INA: variants seen among roughly 807,000 people sequenced by gnomAD.
The protein encoded by INA is internexin neuronal intermediate filament protein alpha.
Under a neutral mutation model 40.1 loss-of-function variants are expected in INA, and 35 were observed. The observed-to-expected ratio is 0.87, with a 90% confidence interval of 0.67 to 1.16. INA has a LOEUF of 1.16. Ranked by LOEUF, INA falls within the 50% of genes most tolerant of loss-of-function variation. The pLI is 0.00. For missense variants in INA, 594 were observed against 686.7 expected, an observed-to-expected ratio of 0.87 and a Z score of 1.51; for synonymous variants, 290 against 316.9, an observed-to-expected ratio of 0.92 and a Z score of 0.90.
intron 1 of INA, among the ~76,000 whole-genome samples, chr10:103,286,551 C>T (rs1012280533): frequency 6.6e-6 from 1 of 151,978 alleles, no homozygotes; most frequent in Non-Finnish European, 1.5e-5. Flanking sequence ...GCAGAGAGGT[C>T]TTCCTGGAAA....
chr10:103,280,036 G>C (rs555658155), intron 1 of INA: 1 of 1,275,208 alleles, frequency 7.8e-7, no homozygotes, highest in East Asian at 5.6e-5. Context: ...AGCTGAATTG[G>C]GCTTCTCCAT....
At chr10:103,284,967 ATATTT>A (rs137911103) in intron 1 of INA, among the ~76,000 whole-genome samples, 5 of 150,860 alleles carry the variant, frequency 3.3e-5, no homozygotes, top group East Asian at 1.9e-4. Flanking sequence ...AGAGGACATT[ATATTT>A]TATTTTATTT....
chr10:103,280,010 C>A, intron 1 of INA: 2 of 1,287,104 alleles, frequency 1.6e-6, no homozygotes, highest in Non-Finnish European at 2.0e-6. Flanking sequence ...AAAAGGATAA[C>A]TTACTCAGAG....
At chr10:103,279,038 T>G (rs1395546792) in intron 1 of INA, among the ~76,000 whole-genome samples, 1 of 152,144 alleles carries the variant, frequency 6.6e-6, no homozygotes, top group Non-Finnish European at 1.5e-5. Context: ...TCTCGAGTTC[T>G]TCCCATCTCA....
chr10:103,285,660 C>A (rs2093084052), intron 1 of INA, among the ~76,000 whole-genome samples: 1 of 149,218 alleles, frequency 6.7e-6, no homozygotes, highest in Non-Finnish European at 1.5e-5. Flanking sequence ...CTCTTGTTGC[C>A]CAGCTGGAAT....
rs769318357 is a variant in INA at position 103,278,089 on chromosome 10, A to G, written c.878A>G (p.Asn293Ser). 6 of 1,613,476 alleles carry G rather than the reference A, an allele frequency of 3.7e-6. No individual in the cohort carries two copies. The highest frequency in any genetic ancestry group is 3.3e-5 in the Admixed American group (2 of 59,998). The change falls in exon 1 of 3, where the codon AAC (asparagine) becomes AGC (serine). Residue 293 changes from asparagine to serine, a missense_variant. Coordinates refer to ENST00000369849, the MANE Select transcript of INA (RefSeq NM_032727.4). The surrounding 1 kb of genome is among the most constrained non-coding windows in gnomAD (Gnocchi z 4.9). ...AEEWYKSKFA[N>S]LNEQAARSTE... ...GAATGGTACAAGTCCAAGTTTGCCA[A>G]CCTGAACGAGCAGGCGGCGCGCAGC...
Position 103,277,187 on chromosome 10 carries a change from C to A in INA, c.-25C>A. 6.4e-7 allele frequency: 1 copy of A among 1,552,990 alleles called. No homozygotes were observed. The highest frequency in any genetic ancestry group is 1.2e-5 in the South Asian group (1 of 84,586). On this transcript the variant is annotated 5_prime_UTR_variant, in exon 1 of 3. Coordinates refer to ENST00000369849, the MANE Select transcript of INA (RefSeq NM_032727.4). This position sits in a 1 kb window ranked among gnomAD's most constrained non-coding sequence, Gnocchi z 5.6. ...TCTTCTGTAGCTCGCGTTGAAGCCG[C>A]ACGTCCGGCCCCGATCCCGGCACCA...
chr10:103,283,297 C>T (rs1188441932), intron 1 of INA, among the ~76,000 whole-genome samples: 1 of 152,132 alleles, frequency 6.6e-6, no homozygotes, highest in Non-Finnish European at 1.5e-5. Context: ...CCTCTTACCA[C>T]AGTAATATTG....
chr10:103,280,450 A>G (rs772348499), intron 1 of INA: 365 of 985,288 alleles, frequency 3.7e-4, no homozygotes, highest in Admixed American at 4.3e-4. Flanking sequence ...CTACAGTGAG[A>G]TTTAGCCATT....
At chr10:103,280,444 A>C in intron 1 of INA, 1 of 985,454 alleles carries the variant, frequency 1.0e-6, no homozygotes, top group African/African-American at 1.7e-5. Context: ...CCCTTTCTAC[A>C]GTGAGATTTA....
Position 103,277,688 on chromosome 10 carries a change from G to T in INA, c.477G>T (p.Ser159=), listed in dbSNP as rs112696197. The T allele has an allele frequency of 8.7e-6, 12 of 1,372,908 alleles. No homozygotes were observed. In the African/African-American group the frequency reaches 9.2e-5, roughly 11 times the overall value. 85.0% of individuals were successfully genotyped at this position (1,372,908 alleles called of 1,614,324 possible). A position where few individuals can be genotyped will look rare whatever the true frequency, so the allele number is the denominator to read the frequency against. Residue 159 remains serine, a synonymous_variant, in exon 1 of 3, where the codon TCG becomes TCT. Transcript: ENST00000369849. The surrounding 1 kb of genome is among the most constrained non-coding windows in gnomAD (Gnocchi z 5.6). ...GCGCGCAGCTGGAGGAGGCCAGCTC[G>T]GCTCGCTCGCAGGCCCTGCTGGAGC... ...DLRAQLEEAS[S]ARSQALLERD... is the part of the protein sequence containing the mutation.
At position 103,277,331 on chromosome 10, in the gene INA, G is replaced by A. The variant is rs763225246; in HGVS notation, c.120G>A (p.Ser40=). 2 of 1,582,958 alleles carry A rather than the reference G, an allele frequency of 1.3e-6. No homozygotes were observed. Among genetic ancestry groups the A allele is most frequent in the African/African-American group, 1.4e-5 (1 of 71,420 alleles). Residue 40 remains serine, a synonymous_variant, in exon 1 of 3, where the codon TCG becomes TCA. Coordinates refer to ENST00000369849, the MANE Select transcript of INA (RefSeq NM_032727.4). The surrounding 1 kb of genome is among the most constrained non-coding windows in gnomAD (Gnocchi z 5.6). ...SGAGGAGGFR[S]QSLSRSNVAS... ...CCGGCGGCGCGGGCGGCTTCCGCTC[G>A]CAGTCGCTGTCCCGCAGCAATGTGG...
intron 1 of INA, among the ~76,000 whole-genome samples, chr10:103,282,768 G>A (rs1038343039): frequency 6.6e-6 from 1 of 151,938 alleles, no homozygotes; most frequent in Non-Finnish European, 1.5e-5. Flanking sequence ...GTGCTTTAAG[G>A]TATATGCCTC....
chr10:103,283,196 C>A (rs2093076509), intron 1 of INA, among the ~76,000 whole-genome samples: 1 of 152,102 alleles, frequency 6.6e-6, no homozygotes. Context: ...CTGATGAAAT[C>A]CTCCTCTTAT....
At position 103,288,467 on chromosome 10, in the gene INA, G is replaced by C; in HGVS notation, c.1298G>C (p.Ser433Thr). 2 of 1,614,010 alleles carry C rather than the reference G, an allele frequency of 1.2e-6. No homozygotes were observed. Among genetic ancestry groups the C allele is most frequent in the African/African-American group, 1.3e-5 (1 of 74,984 alleles). Residue 433 changes from serine to threonine, a missense_variant, in exon 3 of 3, where the codon AGT (serine) becomes ACT (threonine). Ser to Thr is a moderately conservative substitution (Grantham distance 58). Transcript: ENST00000369849. ...TACCTGCTCCCACCTAGAATCCTCA[G>C]TGCTACAACCTCCAAAGTCTCATCC... The part of the protein sequence containing the change: ...PSYLLPPRIL[S>T]ATTSKVSSTG...
rs754349419 is a variant in INA at position 103,288,469 on chromosome 10, G to A, written c.1300G>A (p.Ala434Thr). 3.1e-6 allele frequency: 5 copies of A among 1,613,918 alleles called. No homozygotes were observed. The highest frequency in any genetic ancestry group is 3.4e-6 in the Non-Finnish European group (4 of 1,179,982). Reference sequence around the variant, plus strand: ...CCTGCTCCCACCTAGAATCCTCAGTGCTACAACCTCCAAAGTCTCATCCAC... The same window carrying A: ...CCTGCTCCCACCTAGAATCCTCAGTACTACAACCTCCAAAGTCTCATCCAC... ...SYLLPPRILS[A>T]TTSKVSSTGL... The change falls in exon 3 of 3, where the codon GCT becomes ACT. Residue 434 changes from alanine (A) to threonine (T), a missense_variant. Physicochemically the swap from Ala to Thr is moderately conservative, Grantham distance 58. Around this residue, in one of 2 missense-constraint regions of INA, gnomAD observed 379 missense variants for 496.1 expected, o/e 0.76. Transcript: ENST00000369849.
rs2093096286 is a variant in INA at position 103,289,951 on chromosome 10, G to C, written c.*1282G>C. 1 of 152,700 alleles carries C rather than the reference G, an allele frequency of 6.5e-6. No individual in the cohort carries two copies. 9.5% of individuals were successfully genotyped at this position (152,700 alleles called of 1,614,324 possible). On this transcript the variant is annotated 3_prime_UTR_variant, in exon 3 of 3. Coordinates refer to ENST00000369849, the MANE Select transcript of INA (RefSeq NM_032727.4). ...TTGGTGGGGTCCTGCCGGAGAGGAA[G>C]AGACACTCAGACCAGAGAAGGGGTG...
rs1366680731 is a variant in INA at position 103,277,569 on chromosome 10, C to A, written c.358C>A (p.Arg120Ser). ...GGTGCATCAGCTGGAGACGCAGAAC[C>A]GCGCGTTGGAGGCCGAGCTGGCCGC... ...EKVHQLETQN[R>S]ALEAELAALR... The change falls in exon 1 of 3, where the codon CGC becomes AGC. Residue 120 changes from arginine (R) to serine (S), a missense_variant. Coordinates refer to ENST00000369849, the MANE Select transcript of INA (RefSeq NM_032727.4). The surrounding 1 kb of genome is among the most constrained non-coding windows in gnomAD (Gnocchi z 5.6). The A allele has an allele frequency of 4.4e-6, 7 of 1,573,692 alleles. No individual in the cohort carries two copies. In the East Asian group the frequency reaches 9.6e-5, roughly 22 times the overall value.
At chr10:103,280,058 G>A (rs1011302489) in intron 1 of INA, 3 of 1,260,634 alleles carry the variant, frequency 2.4e-6, no homozygotes, top group African/African-American at 3.1e-5. Flanking sequence ...TTCTCTGCTT[G>A]TTATAGCCCA....
Sources: gnomAD v4.1 joint callset for allele counts (sites outside exome capture counted in the v4.1 genomes callset) on GRCh38, gnomAD v4.1.1 for gene constraint, gnomAD v4.1.1 regional missense constraint, Gnocchi (gnomAD v3.1) non-coding constraint, MANE v1.5 for transcripts, NCBI Gene and HGNC (gene_info 2026-07-23, HGNC 2026-07-21) for gene names.